Variants in MYT1L observed in about 807,000 individuals in gnomAD.
The protein encoded by MYT1L is myelin transcription factor 1-like protein.
MYT1L carries 12 observed loss-of-function variants against 126.7 expected under a neutral mutation model. The observed-to-expected ratio is 0.09, with a 90% confidence interval of 0.06 to 0.15. The LOEUF (loss-of-function observed/expected upper bound fraction) is 0.15, where lower values mean the gene tolerates loss of function less well. MYT1L is among the 10% of genes least tolerant of loss of function. The pLI, the probability that MYT1L is intolerant of heterozygous loss-of-function variation, is 1.00. For synonymous variants in MYT1L, 541 were observed against 604.2 expected (o/e 0.90, Z 1.53); for missense variants, 979 against 1,585.2 (o/e 0.62, Z 6.49).
At chr2:1,854,512 A>G (rs2043665066) in intron 18 of MYT1L, among the ~76,000 whole-genome samples, 1 of 152,240 alleles carries the variant, frequency 6.6e-6, no homozygotes, top group Admixed American at 6.5e-5. Context: ...GATGAGTGCT[A>G]TGCCCTTAAT....
intron 4 of MYT1L, among the ~76,000 whole-genome samples, chr2:2,036,500 C>G (rs1338662103): frequency 5.9e-5 from 9 of 152,158 alleles, no homozygotes; most frequent in Non-Finnish European, 1.3e-4. Flanking sequence ...TAACTTCTCC[C>G]CACAATCTCC....
chr2:2,242,850 G>A (rs1559439501), intron 2 of MYT1L, among the ~76,000 whole-genome samples: 1 of 152,246 alleles, frequency 6.6e-6, no homozygotes, highest in African/African-American at 2.4e-5. Flanking sequence ...CTCTGCACAA[G>A]ATGTGCCCAA....
chr2:2,074,860 G>A (rs927343531), intron 3 of MYT1L, among the ~76,000 whole-genome samples: 2 of 152,158 alleles, frequency 1.3e-5, no homozygotes, highest in African/African-American at 2.4e-5. Context: ...GCCCTGAAAC[G>A]ATCTAATAAT....
Position 1,839,167 on chromosome 2 carries a change from C to T in MYT1L, c.3062G>A (p.Ser1021Asn). ...CACTCACCTGCGGTGTGTGAGGAAG[C>T]TGCCGCTGACGTGGCCTGAGCCGTC... The part of the protein sequence containing the change: ...GCDGSGHVSG[S>N]FLTHRSLSGC... Residue 1021 changes from serine (S) to asparagine (N), a missense_variant, in exon 21 of 25, where the codon AGC becomes AAC. Ser to Asn is a conservative substitution (Grantham distance 46). Around this residue, in one of 12 missense-constraint regions of MYT1L, gnomAD observed 179 missense variants for 398.6 expected, o/e 0.45. Coordinates refer to ENST00000647738, the MANE Select transcript of MYT1L (RefSeq NM_001303052.2). 1 of 1,612,472 alleles carries T rather than the reference C, an allele frequency of 6.2e-7. No individual in the cohort carries two copies. Among genetic ancestry groups the T allele is most frequent in the Non-Finnish European group, 8.5e-7 (1 of 1,179,634 alleles).
chr2:2,094,620 T>C (rs2077239820), intron 3 of MYT1L, among the ~76,000 whole-genome samples: 2 of 152,246 alleles, frequency 1.3e-5, no homozygotes, highest in African/African-American at 4.8e-5. Flanking sequence ...ATGTCCTTTG[T>C]AGGGACATGG....
intron 9 of MYT1L, among the ~76,000 whole-genome samples, chr2:1,935,123 G>T (rs531484514): frequency 6.6e-6 from 1 of 152,290 alleles, no homozygotes; most frequent in South Asian, 2.1e-4. Context: ...ATTCAGAAAT[G>T]TATGTTTTTA....
At chr2:1,880,735 C>T (rs1183827475) in intron 18 of MYT1L, among the ~76,000 whole-genome samples, 1 of 152,178 alleles carries the variant, frequency 6.6e-6, no homozygotes, top group Non-Finnish European at 1.5e-5. Context: ...CAGTGATCTC[C>T]AATGACTGGA....
At chr2:2,026,301 C>T (rs2065565420) in intron 4 of MYT1L, among the ~76,000 whole-genome samples, 1 of 152,132 alleles carries the variant, frequency 6.6e-6, no homozygotes, top group African/African-American at 2.4e-5. Flanking sequence ...TGGGGCCGGC[C>T]CATCTCTGCC....
chr2:1,876,492 G>A (rs922036871), intron 18 of MYT1L, among the ~76,000 whole-genome samples: 1 of 151,202 alleles, frequency 6.6e-6, no homozygotes, highest in Admixed American at 6.6e-5. Flanking sequence ...TGACCCCCCC[G>A]TCCATCTGGG....
At chr2:1,948,026 T>C (rs1241240517) in intron 8 of MYT1L, among the ~76,000 whole-genome samples, 1 of 152,244 alleles carries the variant, frequency 6.6e-6, no homozygotes, top group Non-Finnish European at 1.5e-5. Flanking sequence ...CCTATCGATG[T>C]GATAGAAGCG....
chr2:2,088,366 T>C (rs2076564998), intron 3 of MYT1L, among the ~76,000 whole-genome samples: 1 of 152,132 alleles, frequency 6.6e-6, no homozygotes, highest in Non-Finnish European at 1.5e-5. Flanking sequence ...AGGAATTCAG[T>C]GAGGATTCCT....
At chr2:2,045,382 T>C (rs375734634) in intron 4 of MYT1L, among the ~76,000 whole-genome samples, 1 of 152,158 alleles carries the variant, frequency 6.6e-6, no homozygotes, top group African/African-American at 2.4e-5. Context: ...GCAGGCCTGG[T>C]GGGAGAGGCT....
rs114898178 is a variant in MYT1L, at chr2:1,925,033, T to C, written c.506-1770A>G. On this transcript the variant is annotated intron_variant, in intron 9 of 24. Transcript: ENST00000647738. ...ACCAAGCTGTGTTACCTCTGCACAATAGGTAAGTTTTAACAGCCAGAATCA... is the reference window on the plus strand; with the variant it reads ...ACCAAGCTGTGTTACCTCTGCACAACAGGTAAGTTTTAACAGCCAGAATCA... Among the ~76,000 whole-genome samples, 470 of 152,244 alleles carry C rather than the reference T, an allele frequency of 3.1e-3. 2 individuals carry two copies. The highest frequency in any genetic ancestry group is 0.01 in the African/African-American group (421 of 41,550).
At chr2:1,876,352 G>A (rs538999066) in intron 18 of MYT1L, among the ~76,000 whole-genome samples, 13 of 152,064 alleles carry the variant, frequency 8.5e-5, no homozygotes, top group East Asian at 1.9e-4. Context: ...CTGGTGATGC[G>A]TCCACGCGTG....
At chr2:1,871,481 C>T (rs562683140) in intron 18 of MYT1L, among the ~76,000 whole-genome samples, 30 of 152,354 alleles carry the variant, frequency 2.0e-4, no homozygotes, top group Admixed American at 5.2e-4. Context: ...CCCTGTGGGA[C>T]CCCACATGAG....
intron 3 of MYT1L, among the ~76,000 whole-genome samples, chr2:2,144,820 C>T (rs545907822): frequency 4.0e-4 from 61 of 152,340 alleles, no homozygotes; most frequent in Admixed American, 4.6e-4. Context: ...CGGCTCTCAT[C>T]ATGTAAAATC....
At chr2:1,940,127 T>C (rs905082564) in intron 9 of MYT1L, among the ~76,000 whole-genome samples, 7 of 152,250 alleles carry the variant, frequency 4.6e-5, no homozygotes, top group African/African-American at 1.7e-4. Context: ...CACGCTCTAC[T>C]GCCAGGATGC....
chr2:2,003,093 AC>A, intron 4 of MYT1L, among the ~76,000 whole-genome samples: 1 of 152,034 alleles, frequency 6.6e-6, no homozygotes, highest in South Asian at 2.1e-4. Flanking sequence ...CTCCACGTCA[AC>A]CCCACGGTAA....
At chr2:1,908,447 G>A (rs13387792) in intron 13 of MYT1L, among the ~76,000 whole-genome samples, 10,797 of 151,898 alleles carry the variant, frequency 0.071, 415 homozygotes, top group Non-Finnish European at 0.093. Context: ...AGCAGTCCCC[G>A]GGAGCAGGGC....
Sources: allele counts gnomAD v4.1 joint callset (sites outside exome capture counted in the v4.1 genomes callset), GRCh38; gene constraint gnomAD v4.1.1; regional missense constraint gnomAD v4.1.1; transcripts MANE v1.5; gene names NCBI Gene and HGNC (gene_info 2026-07-23, HGNC 2026-07-21).